Variants in CALN1 observed in about 807,000 individuals in gnomAD.
The protein encoded by CALN1 is calneuron 1.
Under a neutral mutation model 30.6 loss-of-function variants are expected in CALN1, and 17 were observed. The observed-to-expected ratio is 0.56, with a 90% confidence interval of 0.38 to 0.83. CALN1 has a LOEUF of 0.83. Ranked by LOEUF, CALN1 falls within the 40% of genes least tolerant of loss-of-function variation. The pLI, the probability that CALN1 is intolerant of heterozygous loss-of-function variation, is 0.00. For missense variants in CALN1, 291 were observed against 354.9 expected, an observed-to-expected ratio of 0.82 and a Z score of 1.45; for synonymous variants, 156 against 131.4, an observed-to-expected ratio of 1.19 and a Z score of -1.28.
intron 5 of CALN1, among the ~76,000 whole-genome samples, chr7:71,932,296 C>T (rs1171342471): frequency 6.6e-6 from 1 of 152,126 alleles, no homozygotes; most frequent in African/African-American, 2.4e-5. Flanking sequence ...CCACCTTAAC[C>T]TCCTGAGTAG....
intron 3 of CALN1, among the ~76,000 whole-genome samples, chr7:72,271,494 T>TCAAG: frequency 6.8e-6 from 1 of 147,332 alleles, no homozygotes; most frequent in African/African-American, 2.5e-5. Context: ...CTTCCCGGGC[T>TCAAG]CAAGCAATCC....
chr7:71,917,279 G>A (rs1794728031), intron 5 of CALN1, among the ~76,000 whole-genome samples: 1 of 152,176 alleles, frequency 6.6e-6, no homozygotes, highest in African/African-American at 2.4e-5. Context: ...TGGTAGAAAT[G>A]GGGAGACAGA....
At chr7:72,216,038 C>T (rs144821236) in intron 3 of CALN1, among the ~76,000 whole-genome samples, 1,613 of 152,250 alleles carry the variant, frequency 0.011, 13 homozygotes, top group Non-Finnish European at 0.012. Flanking sequence ...TATAATACTT[C>T]CTCCCTCCCC....
intron 2 of CALN1, among the ~76,000 whole-genome samples, chr7:72,384,025 A>C (rs1001936673): frequency 3.9e-5 from 6 of 152,226 alleles, no homozygotes; most frequent in Non-Finnish European, 7.3e-5. Context: ...CACTATTTAC[A>C]ATAGCAAAGA....
At chr7:71,799,608 G>A (rs1293665899) in intron 6 of CALN1, among the ~76,000 whole-genome samples, 3 of 151,840 alleles carry the variant, frequency 2.0e-5, no homozygotes, top group Non-Finnish European at 4.4e-5. Flanking sequence ...TGCGATTACA[G>A]GTGCCCGCCA....
At chr7:71,858,937 T>C (rs957929874) in intron 5 of CALN1, among the ~76,000 whole-genome samples, 1 of 152,190 alleles carries the variant, frequency 6.6e-6, no homozygotes, top group Non-Finnish European at 1.5e-5. Context: ...AAAATAAACT[T>C]TCTAAATTGA....
At chr7:72,134,843 CAGT>C (rs1234284983) in intron 3 of CALN1, among the ~76,000 whole-genome samples, 1 of 152,210 alleles carries the variant, frequency 6.6e-6, no homozygotes, top group Non-Finnish European at 1.5e-5. Flanking sequence ...ATTTTACCCA[CAGT>C]AGAACTTATT....
intron 1 of CALN1, among the ~76,000 whole-genome samples, chr7:72,434,466 G>A (rs1808082783): frequency 6.6e-6 from 1 of 151,892 alleles, no homozygotes; most frequent in Non-Finnish European, 1.5e-5. Flanking sequence ...AGGTTGCAGT[G>A]AGCCAAGATC....
At chr7:72,416,107 A>T (rs1807411341), upstream of CALN1, among the ~76,000 whole-genome samples, 1 of 152,212 alleles carries the variant, frequency 6.6e-6, no homozygotes. Flanking sequence ...ACTCCAGACC[A>T]GACTGAAGAC....
chr7:72,360,606 ATT>A (rs564045355), intron 2 of CALN1, among the ~76,000 whole-genome samples: 22 of 145,186 alleles, frequency 1.5e-4, no homozygotes, highest in African/African-American at 4.8e-4. Context: ...TTTCTTTTCT[ATT>A]TTTTTTTTAT....
intron 2 of CALN1, among the ~76,000 whole-genome samples, chr7:72,353,107 G>T (rs1455572263): frequency 1.3e-5 from 2 of 152,124 alleles, no homozygotes; most frequent in African/African-American, 4.8e-5. Context: ...AACCTCCTAT[G>T]CCCTCAAAAC....
the CALN1 span, among the ~76,000 whole-genome samples, chr7:72,485,593 T>C: frequency 6.6e-6 from 1 of 152,176 alleles, no homozygotes; most frequent in South Asian, 2.1e-4. Flanking sequence ...TAAATGTGGC[T>C]GGGCATGGTG....
At chr7:72,115,179 A>G (rs1807884537) in intron 3 of CALN1, among the ~76,000 whole-genome samples, 1 of 147,464 alleles carries the variant, frequency 6.8e-6, no homozygotes, top group Admixed American at 6.8e-5. Context: ...TGTATAGTAT[A>G]TATTATACAA....
intron 5 of CALN1, among the ~76,000 whole-genome samples, chr7:71,936,439 C>T (rs1371137780): frequency 1.3e-5 from 2 of 150,220 alleles, no homozygotes; most frequent in Non-Finnish European, 3.0e-5. Flanking sequence ...TAGAGCCTTG[C>T]TTCACTCCTC....
At chr7:72,302,957 C>T (rs1336254867) in intron 2 of CALN1, among the ~76,000 whole-genome samples, 9 of 147,608 alleles carry the variant, frequency 6.1e-5, no homozygotes, top group Non-Finnish European at 1.2e-4. Flanking sequence ...TCTGTAGTCC[C>T]AGTTACCACA....
At chr7:72,378,463 A>AT (rs1489691418) in intron 2 of CALN1, among the ~76,000 whole-genome samples, 3 of 151,960 alleles carry the variant, frequency 2.0e-5, no homozygotes, top group East Asian at 3.9e-4. Flanking sequence ...TTTTTTCAGG[A>AT]TTTTTTAATG....
chr7:72,258,514 C>A (rs1003931547), intron 3 of CALN1, among the ~76,000 whole-genome samples: 8 of 152,154 alleles, frequency 5.3e-5, no homozygotes, highest in African/African-American at 1.7e-4. Flanking sequence ...TAATTGAGCA[C>A]AAATAGGTGA....
chr7:72,165,315 T>C (rs1189159011), intron 3 of CALN1, among the ~76,000 whole-genome samples: 2 of 152,062 alleles, frequency 1.3e-5, no homozygotes, highest in Non-Finnish European at 2.9e-5. Flanking sequence ...TCTCAGCACT[T>C]TGAGAAGCCG....
At chr7:72,145,066 A>C (rs1306546218) in intron 3 of CALN1, among the ~76,000 whole-genome samples, 1 of 152,220 alleles carries the variant, frequency 6.6e-6, no homozygotes, top group Non-Finnish European at 1.5e-5. Context: ...AAAGAACTAG[A>C]GAAGCAAGAG....
Sources: allele counts gnomAD v4.1 joint callset (sites outside exome capture counted in the v4.1 genomes callset), GRCh38; gene constraint gnomAD v4.1.1; transcripts MANE v1.5; gene names NCBI Gene and HGNC (gene_info 2026-07-23, HGNC 2026-07-21).